The following PLCB4 variants were observed in gnomAD, a reference collection of about 807,000 sequenced individuals.
The protein encoded by PLCB4 is phospholipase C beta 4.
Under a neutral mutation model 178.8 loss-of-function variants are expected in PLCB4, and 77 were observed. That is an observed-to-expected ratio of 0.43 (90% CI 0.36 to 0.52). PLCB4 has a LOEUF of 0.52. Ranked by LOEUF, PLCB4 falls within the 20% of genes least tolerant of loss-of-function variation. PLCB4 has a pLI of 0.00. For missense variants in PLCB4, 1,024 were observed against 1,453.4 expected, an observed-to-expected ratio of 0.70 and a Z score of 4.80; for synonymous variants, 496 against 490.8, an observed-to-expected ratio of 1.01 and a Z score of -0.14.
chr20:9,267,314 T>C (rs1175362684), intron 3 of PLCB4, among the ~76,000 whole-genome samples: 1 of 152,198 alleles, frequency 6.6e-6, no homozygotes, highest in Non-Finnish European at 1.5e-5. Context: ...ATCTATAAGC[T>C]ACATTTGCTG....
chr20:9,245,561 G>T (rs963824288), intron 3 of PLCB4, among the ~76,000 whole-genome samples: 1 of 152,152 alleles, frequency 6.6e-6, no homozygotes, highest in Non-Finnish European at 1.5e-5. Flanking sequence ...ATATTAAGAT[G>T]GAGGCAGAGA....
chr20:9,141,951 A>T (rs536650999), intron 2 of PLCB4, among the ~76,000 whole-genome samples: 1 of 152,098 alleles, frequency 6.6e-6, no homozygotes, highest in East Asian at 1.9e-4. Context: ...CCTTTCACAC[A>T]CCAAAGGCAG....
intron 2 of PLCB4, among the ~76,000 whole-genome samples, chr20:9,172,173 T>C (rs1018682944): frequency 6.6e-6 from 1 of 152,178 alleles, no homozygotes; most frequent in African/African-American, 2.4e-5. Flanking sequence ...AATGACTCCA[T>C]AGAGCAGGTT....
At chr20:9,101,806 T>C (rs940802049) in intron 2 of PLCB4, among the ~76,000 whole-genome samples, 2 of 152,138 alleles carry the variant, frequency 1.3e-5, no homozygotes, top group South Asian at 2.1e-4. Context: ...GAAAGCTTAG[T>C]GCCTCATTGT....
chr20:9,402,465 G>C (rs914723854), intron 20 of PLCB4, among the ~76,000 whole-genome samples: 2 of 152,178 alleles, frequency 1.3e-5, no homozygotes, highest in African/African-American at 4.8e-5. Context: ...AGGCCATTAT[G>C]AGAAATTCAA....
At chr20:9,473,474 A>T in intron 38 of PLCB4, 109 bp downstream of exon 38, 1 of 526,144 alleles carries the variant, frequency 1.9e-6, no homozygotes, top group Non-Finnish European at 3.4e-6. Context: ...TGAAAGGTAG[A>T]TAGAAGAATT....
chr20:9,434,302 G>A (rs2041620308), intron 28 of PLCB4, among the ~76,000 whole-genome samples: 1 of 152,198 alleles, frequency 6.6e-6, no homozygotes, highest in Non-Finnish European at 1.5e-5. Flanking sequence ...GGATTGGCAG[G>A]AGAGAAAGTT....
chr20:9,233,514 G>C (rs2093957170), intron 3 of PLCB4, among the ~76,000 whole-genome samples: 1 of 152,118 alleles, frequency 6.6e-6, no homozygotes, highest in South Asian at 2.1e-4. Context: ...AAGTGGTATG[G>C]TAGAGGCTAT....
At chr20:9,251,257 A>T (rs1262111416) in intron 3 of PLCB4, among the ~76,000 whole-genome samples, 2 of 152,190 alleles carry the variant, frequency 1.3e-5, no homozygotes, top group African/African-American at 4.8e-5. Context: ...GCCCTTGCTA[A>T]TGAAAGTGTG....
At chr20:9,198,451 A>C (rs2093500678) in intron 2 of PLCB4, among the ~76,000 whole-genome samples, 2 of 152,222 alleles carry the variant, frequency 1.3e-5, no homozygotes, top group South Asian at 2.1e-4. Flanking sequence ...GGGAATCAAC[A>C]AAGTAAATTT....
At chr20:9,169,505 G>A (rs535246519) in intron 2 of PLCB4, among the ~76,000 whole-genome samples, 3 of 151,648 alleles carry the variant, frequency 2.0e-5, no homozygotes, top group East Asian at 3.9e-4. Context: ...CAGGAGAATC[G>A]CTTGAAACGG....
intron 32 of PLCB4, among the ~76,000 whole-genome samples, chr20:9,452,244 C>T (rs117245494): frequency 0.019 from 2,822 of 152,160 alleles, 39 homozygotes; most frequent in Non-Finnish European, 0.027. Flanking sequence ...AAATTCCTTC[C>T]CCATTTATAT....
At chr20:9,106,622 ACT>A in intron 2 of PLCB4, among the ~76,000 whole-genome samples, 1 of 152,058 alleles carries the variant, frequency 6.6e-6, no homozygotes, top group East Asian at 1.9e-4. Context: ...CTAAATGTTT[ACT>A]CTCAATTTCT....
At chr20:9,079,862 A>C (rs541474343) in intron 1 of PLCB4, among the ~76,000 whole-genome samples, 1 of 152,152 alleles carries the variant, frequency 6.6e-6, no homozygotes, top group African/African-American at 2.4e-5. Flanking sequence ...GGAAGGGATT[A>C]TGCTTTATGC....
chr20:9,168,984 C>T (rs1224007435), intron 2 of PLCB4, among the ~76,000 whole-genome samples: 1 of 152,072 alleles, frequency 6.6e-6, no homozygotes, highest in African/African-American at 2.4e-5. Flanking sequence ...CTCAAGTCTC[C>T]CTTTGCGGTT....
chr20:9,320,715 T>G (rs1456423653), intron 4 of PLCB4, among the ~76,000 whole-genome samples: 2 of 152,216 alleles, frequency 1.3e-5, no homozygotes, highest in Admixed American at 1.3e-4. Context: ...GCATGTTGCT[T>G]GAGGTTTCAC....
At chr20:9,421,250 G>T (rs1432954514) in intron 26 of PLCB4, 47 bp from the exon 27 acceptor site, 1 of 1,482,938 alleles carries the variant, frequency 6.7e-7, no homozygotes. Flanking sequence ...TGCTACTGAT[G>T]CTTACACAGA....
At chr20:9,431,478 C>A (rs2041391244) in intron 28 of PLCB4, among the ~76,000 whole-genome samples, 2 of 151,876 alleles carry the variant, frequency 1.3e-5, no homozygotes, top group South Asian at 4.2e-4. Flanking sequence ...ATTTTTTATT[C>A]TTTATGAGAC....
intron 1 of PLCB4, among the ~76,000 whole-genome samples, chr20:9,081,158 A>C (rs2090127552): frequency 6.6e-6 from 1 of 152,194 alleles, no homozygotes; most frequent in South Asian, 2.1e-4. Context: ...TTTACAGTTT[A>C]CTGGAGGAGA....
Sources: allele counts gnomAD v4.1 joint callset (sites outside exome capture counted in the v4.1 genomes callset), GRCh38; gene constraint gnomAD v4.1.1; transcripts MANE v1.5; gene names NCBI Gene and HGNC (gene_info 2026-07-23, HGNC 2026-07-21).